The following PCBP3 variants were observed in gnomAD, a reference collection of about 807,000 sequenced individuals.
The protein encoded by PCBP3 is poly(rC) binding protein 3, also known as poly(rC)-binding protein 3.
In PCBP3, 25 loss-of-function variants were observed where a neutral mutation model predicts 52.7. The ratio of observed to expected loss-of-function variants is 0.47; its 90% confidence interval spans 0.35 to 0.66. PCBP3 has a LOEUF of 0.66. Among genes scored for constraint, PCBP3 ranks in the 30% least tolerant of loss-of-function variants. PCBP3 has a pLI of 0.01. For missense variants in PCBP3, 391 were observed against 490.3 expected (o/e 0.80, Z 1.91); for synonymous variants, 162 against 183.0 (o/e 0.89, Z 0.93).
In PCBP3 at chr21:45,647,951, GAAGA is replaced by G. The variant is rs376867188; in HGVS notation, c.-279+4084_-279+4087del. Among the ~76,000 whole-genome samples, 202 of 152,322 alleles carry G rather than the reference GAAGA, an allele frequency of 1.3e-3. 1 individual carries two copies. The highest frequency in any genetic ancestry group is 2.2e-3 in the Admixed American group (33 of 15,302). ...GTAATCACAAGGGTTCTTAAAAGTA[GAAGA>G]GAGAGGCAGAATAGTCAGTGTCAGA... On this transcript the variant is annotated intron_variant, in intron 1 of 17. Transcript: ENST00000681687.
At chr21:45,706,299 C>T (rs1297558960) in intron 2 of PCBP3, among the ~76,000 whole-genome samples, 1 of 152,164 alleles carries the variant, frequency 6.6e-6, no homozygotes, top group Non-Finnish European at 1.5e-5. Context: ...TGCCCAGGCT[C>T]ACAGCATCTA....
chr21:45,806,839 C>G (rs79083217), intron 4 of PCBP3, among the ~76,000 whole-genome samples: 2,045 of 152,290 alleles, frequency 0.013, 66 homozygotes, highest in African/African-American at 0.046. Flanking sequence ...TCTGCCCTCT[C>G]CAGATGCCGG....
chr21:45,782,338 G>T (rs1197243055), intron 4 of PCBP3, among the ~76,000 whole-genome samples: 1 of 152,182 alleles, frequency 6.6e-6, no homozygotes, highest in Non-Finnish European at 1.5e-5. Context: ...AGAATTTCAA[G>T]TGGAATCATC....
At chr21:45,913,221 A>G (rs963307668) in intron 11 of PCBP3, among the ~76,000 whole-genome samples, 9 of 152,262 alleles carry the variant, frequency 5.9e-5, no homozygotes, top group African/African-American at 1.9e-4. Context: ...TTTCCGACAG[A>G]ATACCCAAGG....
chr21:45,909,797 CCCCACCCACTGCCCAGATACGGACCCGG>C (rs2096303175), intron 10 of PCBP3, among the ~76,000 whole-genome samples: 1 of 56,146 alleles, frequency 1.8e-5, no homozygotes, highest in Non-Finnish European at 3.8e-5. Flanking sequence ...CGGACCCCCC[CCCCACCCACTGCCCAGATACGGACCCGG>C]CCCACCCACT....
At chr21:45,935,183 G>T in intron 15 of PCBP3, 70 bp from the exon 16 acceptor site, 1 of 1,066,688 alleles carries the variant, frequency 9.4e-7, no homozygotes. Context: ...AGGAGAGTGA[G>T]GGACAGGCAC....
chr21:45,914,073 A>G (rs755867514), intron 12 of PCBP3, 48 bp downstream of exon 12: 1 of 1,606,208 alleles, frequency 6.2e-7, no homozygotes, highest in Non-Finnish European at 8.5e-7. Context: ...TCAGCCTTTT[A>G]CTGCAGCACC....
intron 2 of PCBP3, among the ~76,000 whole-genome samples, chr21:45,708,297 T>C (rs2148095089): frequency 6.6e-6 from 1 of 152,150 alleles, no homozygotes; most frequent in East Asian, 1.9e-4. Context: ...GTGGGCCACT[T>C]TATGGGAGGA....
chr21:45,927,734 C>T (rs1422684587), intron 13 of PCBP3, among the ~76,000 whole-genome samples: 1 of 152,134 alleles, frequency 6.6e-6, no homozygotes, highest in Non-Finnish European at 1.5e-5. Context: ...ACATTTTTGT[C>T]ATCCGCAGCC....
chr21:45,871,958 C>T (rs1363433564), intron 5 of PCBP3: 2 of 152,240 alleles, frequency 1.3e-5, no homozygotes. Flanking sequence ...CTCCGTCCCC[C>T]CAGGGGACGG....
rs574286057 is a variant in PCBP3 at position 45,691,425 on chromosome 21, A to T, written c.-200+22473A>T. On this transcript the variant is annotated intron_variant, in intron 2 of 17. Coordinates refer to ENST00000681687, the MANE Select transcript of PCBP3 (RefSeq NM_001384156.1). ...CTCATATATATATTATATATATATA[A>T]AATATATATATCATATATATGTATG... Among the ~76,000 whole-genome samples, 251 of 133,554 alleles carry T rather than the reference A, an allele frequency of 1.9e-3. 1 individual carries two copies. Among genetic ancestry groups the T allele is most frequent in the African/African-American group, 7.3e-3 (246 of 33,472 alleles). The allele number at this position is 133,554 out of a possible 152,430, so 87.6% of individuals were successfully genotyped here.
At chr21:45,774,726 A>C (rs1278451866) in intron 4 of PCBP3, among the ~76,000 whole-genome samples, 1 of 152,062 alleles carries the variant, frequency 6.6e-6, no homozygotes, top group Non-Finnish European at 1.5e-5. Context: ...TATCATGAGG[A>C]GATGTTGAAT....
At chr21:45,732,816 G>C (rs924339135) in intron 2 of PCBP3, 2 of 152,100 alleles carry the variant, frequency 1.3e-5, no homozygotes, top group African/African-American at 4.8e-5. Context: ...CACCATGCCT[G>C]GCTGATTTTA....
Position 45,817,559 on chromosome 21 carries a change from C to G in PCBP3, c.-125-32402C>G, listed in dbSNP as rs1293259298. Among the ~76,000 whole-genome samples, 1 of 152,246 alleles carries G rather than the reference C, an allele frequency of 6.6e-6. No individual in the cohort carries two copies. The highest frequency in any genetic ancestry group is 1.5e-5 in the Non-Finnish European group (1 of 68,040). ...TGCTTGCCTTTTGTCCTCAGCCCCC[C>G]AGCGAGGCAGCAGCTTGTGTGTGTG... is the stretch of plus-strand genomic sequence containing the variant. On this transcript the variant is annotated intron_variant, in intron 4 of 17. Coordinates refer to ENST00000681687, the MANE Select transcript of PCBP3 (RefSeq NM_001384156.1). The surrounding 1 kb of genome is among the most constrained non-coding windows in gnomAD (Gnocchi z 4.3).
At chr21:45,700,983 G>A (rs1473391465) in intron 2 of PCBP3, among the ~76,000 whole-genome samples, 2 of 152,162 alleles carry the variant, frequency 1.3e-5, no homozygotes, top group African/African-American at 4.8e-5. Flanking sequence ...GAACAGCACA[G>A]TGTCCCCACC....
At chr21:45,889,603 A>T (rs1386378008) in intron 5 of PCBP3, among the ~76,000 whole-genome samples, 1 of 152,296 alleles carries the variant, frequency 6.6e-6, no homozygotes, top group East Asian at 1.9e-4. Flanking sequence ...TTGGGAAAGG[A>T]TGCTGTGGAG....
intron 2 of PCBP3, among the ~76,000 whole-genome samples, chr21:45,702,547 G>A (rs897771894): frequency 2.0e-5 from 3 of 152,140 alleles, no homozygotes; most frequent in African/African-American, 7.2e-5. Flanking sequence ...ATAGCATTAT[G>A]TCTAAAAACA....
At chr21:45,847,503 G>T (rs557750048) in intron 4 of PCBP3, among the ~76,000 whole-genome samples, 15 of 152,268 alleles carry the variant, frequency 9.9e-5, no homozygotes, top group African/African-American at 2.6e-4. Context: ...TTTGTAGTGG[G>T]TTTGGGCCTG....
chr21:45,765,995 G>A (rs1342249952), intron 4 of PCBP3, among the ~76,000 whole-genome samples: 1 of 152,192 alleles, frequency 6.6e-6, no homozygotes, highest in Non-Finnish European at 1.5e-5. Flanking sequence ...TGTTGGATGT[G>A]GGCTACTGTG....
Sources: allele counts gnomAD v4.1 joint callset (sites outside exome capture counted in the v4.1 genomes callset), GRCh38; gene constraint gnomAD v4.1.1; non-coding constraint Gnocchi (gnomAD v3.1); transcripts MANE v1.5; gene names NCBI Gene and HGNC (gene_info 2026-07-23, HGNC 2026-07-21).